The following ELMO1 variants were observed in gnomAD, a reference collection of about 807,000 sequenced individuals.
ELMO1 encodes the protein engulfment and cell motility 1, also known as engulfment and cell motility protein 1.
Under a neutral mutation model 98.9 loss-of-function variants are expected in ELMO1, and 26 were observed. The observed-to-expected ratio is 0.26, with a 90% CI of 0.19 to 0.36. The LOEUF (loss-of-function observed/expected upper bound fraction) is 0.36. Ranked by LOEUF, ELMO1 falls within the 10% of genes least tolerant of loss-of-function variation. The pLI, the probability that ELMO1 is intolerant of heterozygous loss-of-function variation, is 1.00. For missense variants in ELMO1, 627 were observed against 935.2 expected (o/e 0.67, Z 4.30); for synonymous variants, 346 against 346.0 (o/e 1.00, Z 0.00).
intron 16 of ELMO1, among the ~76,000 whole-genome samples, chr7:36,999,050 A>C (rs936391119): frequency 6.6e-6 from 1 of 152,150 alleles, no homozygotes; most frequent in African/African-American, 2.4e-5. Context: ...AGAGCCCCAG[A>C]GCAGGTGAGA....
At chr7:36,980,353 A>T (rs1790939879) in intron 16 of ELMO1, among the ~76,000 whole-genome samples, 1 of 152,226 alleles carries the variant, frequency 6.6e-6, no homozygotes, top group Admixed American at 6.5e-5. Context: ...CTGAAGCTCG[A>T]TCTGGATACA....
At chr7:37,334,232 G>C (rs904356707) in intron 2 of ELMO1, among the ~76,000 whole-genome samples, 2 of 152,134 alleles carry the variant, frequency 1.3e-5, no homozygotes, top group Non-Finnish European at 2.9e-5. Context: ...CCGCCCAAGA[G>C]ACATTTGGCA....
intron 4 of ELMO1, among the ~76,000 whole-genome samples, chr7:37,308,320 T>C (rs1337900102): frequency 6.6e-6 from 1 of 152,132 alleles, no homozygotes; most frequent in Non-Finnish European, 1.5e-5. Flanking sequence ...GATCTTAGGA[T>C]GAAGTTCAAG....
intron 1 of ELMO1, among the ~76,000 whole-genome samples, chr7:37,435,760 G>A (rs760088326): frequency 2.0e-5 from 3 of 152,234 alleles, no homozygotes; most frequent in Admixed American, 1.3e-4. Flanking sequence ...ATATGACAAC[G>A]CTTATGACTG....
chr7:36,864,546 G>A (rs1288450331), intron 20 of ELMO1, among the ~76,000 whole-genome samples: 1 of 152,208 alleles, frequency 6.6e-6, no homozygotes, highest in Non-Finnish European at 1.5e-5. Flanking sequence ...CTGTTGTTGA[G>A]TCATTGGTGA....
At chr7:37,232,042 G>A (rs540482598) in intron 8 of ELMO1, among the ~76,000 whole-genome samples, 80 of 152,190 alleles carry the variant, frequency 5.3e-4, no homozygotes, top group African/African-American at 1.8e-3. Flanking sequence ...TCATAGAGAC[G>A]AGGTTTCACC....
At chr7:36,987,984 C>T (rs953977267) in intron 16 of ELMO1, among the ~76,000 whole-genome samples, 2 of 152,198 alleles carry the variant, frequency 1.3e-5, no homozygotes, top group African/African-American at 2.4e-5. Context: ...TCTCAAACTC[C>T]TGACCTCAGG....
chr7:37,381,058 A>G (rs954138596), intron 1 of ELMO1, among the ~76,000 whole-genome samples: 2 of 152,240 alleles, frequency 1.3e-5, no homozygotes, highest in Non-Finnish European at 2.9e-5. Flanking sequence ...GGCTAGAAAC[A>G]TGCCCGTCAG....
chr7:37,289,419 G>A (rs145005105), intron 4 of ELMO1, among the ~76,000 whole-genome samples: 2 of 152,282 alleles, frequency 1.3e-5, no homozygotes, highest in East Asian at 1.9e-4. Flanking sequence ...CAATCCACAT[G>A]TCTGCAACAC....
intron 7 of ELMO1, among the ~76,000 whole-genome samples, chr7:37,241,997 C>A (rs1213569170): frequency 6.6e-6 from 1 of 152,150 alleles, no homozygotes; most frequent in Non-Finnish European, 1.5e-5. Context: ...ACTATCATGT[C>A]TCTCCAGTGT....
upstream of ELMO1, chr7:37,449,312 C>T (rs1343315104): frequency 1.3e-5 from 2 of 150,998 alleles, no homozygotes; most frequent in Non-Finnish European, 2.9e-5. Context: ...CTTTTCACAT[C>T]CTTTTTTAAT....
chr7:36,897,506 C>T (rs1806136733), intron 16 of ELMO1, among the ~76,000 whole-genome samples: 2 of 151,902 alleles, frequency 1.3e-5, no homozygotes, highest in Admixed American at 1.3e-4. Context: ...CCAACAAATA[C>T]ATATGGTGAA....
At chr7:36,992,117 C>T (rs566762528) in intron 16 of ELMO1, among the ~76,000 whole-genome samples, 9 of 152,328 alleles carry the variant, frequency 5.9e-5, no homozygotes, top group African/African-American at 2.2e-4. Flanking sequence ...AAATGCCTAA[C>T]ATGTAAGTGA....
chr7:37,299,151 G>T (rs1327688570), intron 4 of ELMO1, among the ~76,000 whole-genome samples: 3 of 33,498 alleles, frequency 9.0e-5, no homozygotes, highest in Non-Finnish European at 6.3e-5. Flanking sequence ...TGATGGGGTT[G>T]TTTGTTTTTT....
chr7:37,245,800 G>T (rs77670926), intron 6 of ELMO1, among the ~76,000 whole-genome samples: 8,316 of 152,122 alleles, frequency 0.055, 285 homozygotes, highest in Middle Eastern at 0.099. Flanking sequence ...GTAAAGAAAT[G>T]CTCAAAACAT....
chr7:37,324,582 TC>T (rs779999537), intron 2 of ELMO1, among the ~76,000 whole-genome samples: 11 of 152,134 alleles, frequency 7.2e-5, no homozygotes, highest in Non-Finnish European at 1.0e-4. Flanking sequence ...CTTGGATGAC[TC>T]TATTATTTAT....
intron 16 of ELMO1, among the ~76,000 whole-genome samples, chr7:36,902,290 C>T (rs1446047257): frequency 6.6e-6 from 1 of 152,304 alleles, no homozygotes; most frequent in Non-Finnish European, 1.5e-5. Flanking sequence ...TCGTGGCATC[C>T]AGTAACAAGA....
rs150005522 is a variant in ELMO1, at chr7:37,444,072, T to C, written c.-74+4603A>G. Reference sequence around the variant, plus strand: ...GGTGCATGCCATCATACCCAGCTAATTTTTTAACTTTTGAGAGATGTGGTC... The same window carrying C: ...GGTGCATGCCATCATACCCAGCTAACTTTTTAACTTTTGAGAGATGTGGTC... On this transcript the variant is annotated intron_variant, in intron 1 of 21. Coordinates refer to ENST00000310758, the MANE Select transcript of ELMO1 (RefSeq NM_014800.11). Among the ~76,000 whole-genome samples the C allele has an allele frequency of 6.9e-3, 1,052 of 152,290 alleles. 5 individuals are homozygous for C. Among genetic ancestry groups the C allele is most frequent in the Non-Finnish European group, 0.012 (837 of 68,016 alleles).
chr7:37,161,696 G>A (rs1406636435), intron 13 of ELMO1, among the ~76,000 whole-genome samples: 2 of 151,214 alleles, frequency 1.3e-5, no homozygotes, highest in East Asian at 3.9e-4. Context: ...TGTACTTTGA[G>A]TATTCTGTCA....
Sources: gnomAD v4.1 joint callset for allele counts (sites outside exome capture counted in the v4.1 genomes callset) on GRCh38, gnomAD v4.1.1 for gene constraint, MANE v1.5 for transcripts, NCBI Gene and HGNC (gene_info 2026-07-23, HGNC 2026-07-21) for gene names.